Variants in RUFY3 observed in about 807,000 individuals in gnomAD.
RUFY3 encodes RUN and FYVE domain containing 3, also known as protein RUFY3.
Under a neutral mutation model 84.0 loss-of-function variants are expected in RUFY3, and 34 were observed. The observed-to-expected ratio is 0.40, with a 90% confidence interval of 0.31 to 0.54. RUFY3 has a LOEUF of 0.54. Ranked by LOEUF, RUFY3 falls within the 20% of genes least tolerant of loss-of-function variation. The pLI is 0.39. For missense variants in RUFY3, 507 were observed against 736.8 expected, an observed-to-expected ratio of 0.69 and a Z score of 3.61; for synonymous variants, 242 against 252.9, an observed-to-expected ratio of 0.96 and a Z score of 0.41.
intron 1 of RUFY3, among the ~76,000 whole-genome samples, chr4:70,730,098 C>G (rs1223450656): frequency 6.6e-6 from 1 of 151,982 alleles, no homozygotes; most frequent in Admixed American, 6.6e-5. Context: ...CCATTTCTGG[C>G]TAATTTCTGT....
Position 70,808,221 on chromosome 4 carries a change from CAGTT to C in RUFY3, c.*1563_*1566del, listed in dbSNP as rs1167460019. ...TCTTTTTCTGAATATTTTTGATTGG[CAGTT>C]GGTTGAAGCCATGGATGCAGAACCC... is the stretch of plus-strand genomic sequence containing the variant. On this transcript the variant is annotated 3_prime_UTR_variant, in exon 18 of 18. Coordinates refer to ENST00000381006, the MANE Select transcript of RUFY3 (RefSeq NM_001037442.4). Among the ~76,000 whole-genome samples, 7 of 152,038 alleles carry C rather than the reference CAGTT, an allele frequency of 4.6e-5. No homozygotes were observed. Among genetic ancestry groups the C allele is most frequent in the African/African-American group, 1.4e-4 (6 of 41,462 alleles).
intron 12 of RUFY3, chr4:70,791,226 G>A: frequency 6.2e-7 from 1 of 1,611,616 alleles, no homozygotes. Context: ...TTTATTTAGT[G>A]AAAAGGATTT....
At chr4:70,794,731 C>T (rs910545279) in intron 13 of RUFY3, 64 bp from the exon 14 acceptor site, 1 of 1,069,444 alleles carries the variant, frequency 9.4e-7, no homozygotes, top group African/African-American at 1.6e-5. Flanking sequence ...GGTTGGCATT[C>T]TTTAGAGAAT....
chr4:70,773,610 G>C, intron 6 of RUFY3, 38 bp downstream of exon 6: 1 of 1,459,216 alleles, frequency 6.9e-7, no homozygotes, highest in Non-Finnish European at 9.6e-7. Flanking sequence ...TTCTCCTGAT[G>C]TAGCATTTTT....
chr4:70,731,536 G>A (rs562015430), intron 1 of RUFY3, among the ~76,000 whole-genome samples: 39 of 152,136 alleles, frequency 2.6e-4, no homozygotes, highest in Non-Finnish European at 5.0e-4. Flanking sequence ...GCTTTCTGAA[G>A]CAGATGTACA....
At chr4:70,719,951 TGAGA>T (rs1742073588), upstream of RUFY3, among the ~76,000 whole-genome samples, 1 of 152,156 alleles carries the variant, frequency 6.6e-6, no homozygotes, top group Non-Finnish European at 1.5e-5. Context: ...AGGGTAATGA[TGAGA>T]GAGAATGAGA....
Position 70,767,259 on chromosome 4 carries a change from A to ATTTTTTTTTTTT in RUFY3, c.573-1260_573-1249dup, listed in dbSNP as rs779388140. Among the ~76,000 whole-genome samples the ATTTTTTTTTTTT allele has an allele frequency of 8.1e-5, 4 of 49,678 alleles. 1 individual carries two copies. Among genetic ancestry groups the ATTTTTTTTTTTT allele is most frequent in the African/African-American group, 2.8e-4 (4 of 14,058 alleles). The allele number at this position is 49,678 out of a possible 152,430, so 32.6% of individuals were successfully genotyped here. A position where few individuals can be genotyped will look rare whatever the true frequency, so the allele number is the denominator to read the frequency against. On this transcript the variant is annotated intron_variant, in intron 4 of 17. Transcript: ENST00000381006. The stretch of plus-strand genomic sequence containing the variant: ...TGCCACCATGCCCGGCTAATTTTGT[A>ATTTTTTTTTTTT]TTTTTTTTTTTTTTTTTTTTTTTTT...
At chr4:70,710,281 A>T (rs1450474801) in intron 1 of RUFY3, among the ~76,000 whole-genome samples, 1 of 151,876 alleles carries the variant, frequency 6.6e-6, no homozygotes, top group Non-Finnish European at 1.5e-5. Flanking sequence ...TGTAGATTGT[A>T]TATGTGTTTG....
At chr4:70,749,739 T>A (rs1722828960) in intron 1 of RUFY3, among the ~76,000 whole-genome samples, 1 of 151,614 alleles carries the variant, frequency 6.6e-6, no homozygotes, top group African/African-American at 2.4e-5. Flanking sequence ...AGCTTACACT[T>A]TCCAGGCTCA....
chr4:70,791,329 A>T (rs746110740), intron 12 of RUFY3: 4 of 1,610,620 alleles, frequency 2.5e-6, no homozygotes, highest in Admixed American at 1.7e-5. Context: ...CGCAAGTCCG[A>T]TATCACAACT....
intron 12 of RUFY3, among the ~76,000 whole-genome samples, chr4:70,790,500 C>T (rs748189947): frequency 5.3e-5 from 8 of 152,168 alleles, no homozygotes; most frequent in Non-Finnish European, 1.0e-4. Flanking sequence ...CTCCCTTATT[C>T]GTCAGATACA....
intron 1 of RUFY3, among the ~76,000 whole-genome samples, chr4:70,726,114 A>G (rs968692820): frequency 6.6e-6 from 1 of 152,186 alleles, no homozygotes; most frequent in African/African-American, 2.4e-5. Context: ...GGTCTGGGTA[A>G]GAGATGACAA....
chr4:70,708,464 A>C (rs1017627596), intron 1 of RUFY3, among the ~76,000 whole-genome samples: 3 of 152,116 alleles, frequency 2.0e-5, no homozygotes, highest in Non-Finnish European at 4.4e-5. Flanking sequence ...CCTGGCCCCA[A>C]ACAGTTTTTA....
intron 5 of RUFY3, among the ~76,000 whole-genome samples, chr4:70,768,863 AT>A (rs1471729316): frequency 1.3e-5 from 2 of 151,980 alleles, no homozygotes; most frequent in Non-Finnish European, 2.9e-5. Context: ...TGTTTTTTAG[AT>A]TCTTGTCTTG....
chr4:70,723,788 ATTGTACC>A (rs1472360422), intron 1 of RUFY3, among the ~76,000 whole-genome samples: 1 of 152,220 alleles, frequency 6.6e-6, no homozygotes, highest in African/African-American at 2.4e-5. Flanking sequence ...CCATAGGTGA[ATTGTACC>A]TAGCAGATGG....
At chr4:70,758,384 A>G (rs1350529860) in intron 1 of RUFY3, among the ~76,000 whole-genome samples, 1 of 152,142 alleles carries the variant, frequency 6.6e-6, no homozygotes, top group Non-Finnish European at 1.5e-5. Flanking sequence ...TAATCCCAGC[A>G]CTTCGGGAGG....
At chr4:70,795,963 T>C (rs934984790) in intron 14 of RUFY3, among the ~76,000 whole-genome samples, 4 of 152,212 alleles carry the variant, frequency 2.6e-5, no homozygotes, top group African/African-American at 9.7e-5. Context: ...TCTGGTGGAA[T>C]AGCACTCTCT....
chr4:70,763,443 T>C (rs763249459), intron 2 of RUFY3, 109 bp from the exon 3 acceptor site: 1 of 746,166 alleles, frequency 1.3e-6, no homozygotes, highest in Non-Finnish European at 2.2e-6. Flanking sequence ...AACCATCTTA[T>C]AACCTAGGAT....
At chr4:70,777,877 T>TA (rs1728229734) in intron 7 of RUFY3, among the ~76,000 whole-genome samples, 1 of 152,240 alleles carries the variant, frequency 6.6e-6, no homozygotes, top group African/African-American at 2.4e-5. Context: ...AATAAATACT[T>TA]ACTGAATTAA....
Sources: gnomAD v4.1 joint callset for allele counts (sites outside exome capture counted in the v4.1 genomes callset) on GRCh38, gnomAD v4.1.1 for gene constraint, MANE v1.5 for transcripts, NCBI Gene and HGNC (gene_info 2026-07-23, HGNC 2026-07-21) for gene names.